Variants in PLCB1 observed in about 807,000 individuals in gnomAD.
The protein encoded by PLCB1 is 1-phosphatidylinositol 4,5-bisphosphate phosphodiesterase beta-1.
In PLCB1, 46 loss-of-function variants were observed where a neutral mutation model predicts 161.8. That is an observed-to-expected ratio of 0.28 (90% CI 0.22 to 0.36). The LOEUF (loss-of-function observed/expected upper bound fraction) is 0.36, where lower values mean the gene tolerates loss of function less well. Among genes scored for constraint, PLCB1 ranks in the 10% least tolerant of loss-of-function variants. The probability of loss-of-function intolerance (pLI) is 1.00; values close to 1 mark genes in which losing one functional copy is unlikely to be tolerated. For synonymous variants in PLCB1, 517 were observed against 503.7 expected (o/e 1.03, Z -0.35); for missense variants, 1,016 against 1,472.5 (o/e 0.69, Z 5.07).
At chr20:8,569,593 AC>A in intron 3 of PLCB1, among the ~76,000 whole-genome samples, 1 of 152,358 alleles carries the variant, frequency 6.6e-6, no homozygotes, top group African/African-American at 2.4e-5. Context: ...GAAGAGAGTG[AC>A]AATATCCTAT....
At chr20:8,520,246 A>T (rs1444368459) in intron 3 of PLCB1, among the ~76,000 whole-genome samples, 5 of 152,004 alleles carry the variant, frequency 3.3e-5, no homozygotes, top group African/African-American at 1.2e-4. Flanking sequence ...TTGGAATCTC[A>T]TGTTAGGAAT....
chr20:8,461,402 A>C (rs1279535981), intron 3 of PLCB1, among the ~76,000 whole-genome samples: 1 of 152,192 alleles, frequency 6.6e-6, no homozygotes, highest in African/African-American at 2.4e-5. Context: ...CTGACAAGTC[A>C]CTTAATCCCT....
intron 31 of PLCB1, among the ~76,000 whole-genome samples, chr20:8,848,907 T>C (rs1432659661): frequency 6.6e-6 from 1 of 152,242 alleles, no homozygotes; most frequent in Non-Finnish European, 1.5e-5. Flanking sequence ...CTAACATTTC[T>C]TAGTACTAGT....
intron 3 of PLCB1, among the ~76,000 whole-genome samples, chr20:8,546,069 C>A (rs1163526358): frequency 1.3e-5 from 2 of 152,044 alleles, no homozygotes; most frequent in Non-Finnish European, 2.9e-5. Flanking sequence ...GTAATCCCAG[C>A]ACTTTGGGAG....
intron 3 of PLCB1, among the ~76,000 whole-genome samples, chr20:8,580,502 G>A (rs2123076288): frequency 6.6e-6 from 1 of 152,296 alleles, no homozygotes; most frequent in South Asian, 2.1e-4. Flanking sequence ...GATTGATGTA[G>A]GACCTTCTTA....
chr20:8,177,215 A>G (rs1189833422), intron 2 of PLCB1, among the ~76,000 whole-genome samples: 4 of 152,100 alleles, frequency 2.6e-5, no homozygotes, highest in Non-Finnish European at 4.4e-5. Context: ...GCCCTCATGA[A>G]TGGGATTTTT....
intron 3 of PLCB1, among the ~76,000 whole-genome samples, chr20:8,404,731 T>C (rs760140867): frequency 9.2e-5 from 14 of 152,194 alleles, no homozygotes; most frequent in Non-Finnish European, 1.3e-4. Flanking sequence ...TAGTATTTAC[T>C]AGTAGTATTT....
In PLCB1 at chr20:8,151,923, C is replaced by T. The variant is rs181035708; in HGVS notation, c.177+1552C>T. 7.8e-4 allele frequency among the ~76,000 whole-genome samples: 119 copies of T among 152,158 alleles called. 1 individual carries two copies. The highest frequency in any genetic ancestry group is 3.4e-3 in the Middle Eastern group (1 of 294). On this transcript the variant is annotated intron_variant, in intron 2 of 31. Coordinates refer to ENST00000338037, the MANE Select transcript of PLCB1 (RefSeq NM_015192.4). ...TAGACCAATCATCAATATTTATTTC[C>T]TTAATAAAGAAAAAGGGTTTAGGAC...
intron 9 of PLCB1, among the ~76,000 whole-genome samples, chr20:8,681,120 A>ATATAAT (rs1225874515): frequency 1.9e-5 from 1 of 53,860 alleles, no homozygotes; most frequent in Non-Finnish European, 3.8e-5. Context: ...ATATATATAT[A>ATATAAT]ATATATATAA....
At chr20:8,523,430 A>T (rs1438828902) in intron 3 of PLCB1, among the ~76,000 whole-genome samples, 1 of 120,946 alleles carries the variant, frequency 8.3e-6, no homozygotes, top group East Asian at 2.6e-4. Context: ...GTGTGTGTGT[A>T]TGGAGAGAGA....
At chr20:8,707,643 C>T (rs1031650547) in intron 11 of PLCB1, among the ~76,000 whole-genome samples, 1 of 152,090 alleles carries the variant, frequency 6.6e-6, no homozygotes, top group Non-Finnish European at 1.5e-5. Flanking sequence ...AATTCCCCTT[C>T]TGAGAATTCA....
intron 9 of PLCB1, among the ~76,000 whole-genome samples, chr20:8,664,606 A>G (rs1989763908): frequency 6.6e-6 from 1 of 152,190 alleles, no homozygotes; most frequent in Non-Finnish European, 1.5e-5. Flanking sequence ...AGACTCCTTC[A>G]GTTGAAAAAC....
At position 8,769,825 on chromosome 20, in the gene PLCB1, C is replaced by T. The variant is rs1454904829; in HGVS notation, c.2930+4467C>T. 8.6e-5 allele frequency among the ~76,000 whole-genome samples: 13 copies of T among 152,028 alleles called. 1 individual carries two copies. The highest frequency in any genetic ancestry group is 2.9e-5 in the Non-Finnish European group (2 of 68,006). The stretch of plus-strand genomic sequence containing the variant: ...TTACTGAATAATCTTCTTTTGATGC[C>T]AAGTTATAGAGATAAGATGCATTTT... On this transcript the variant is annotated intron_variant, in intron 26 of 31. Coordinates refer to ENST00000338037, the MANE Select transcript of PLCB1 (RefSeq NM_015192.4).
intron 2 of PLCB1, among the ~76,000 whole-genome samples, chr20:8,182,724 G>A (rs894183460): frequency 6.6e-6 from 1 of 151,826 alleles, no homozygotes; most frequent in Non-Finnish European, 1.5e-5. Flanking sequence ...GGGATTACAG[G>A]CGCCCGCAAC....
intron 2 of PLCB1, chr20:8,306,308 C>T (rs538899474): frequency 6.2e-4 from 95 of 152,298 alleles, no homozygotes; most frequent in African/African-American, 1.9e-3. Context: ...AAAATGAATT[C>T]ATTATGACTG....
intron 26 of PLCB1, among the ~76,000 whole-genome samples, chr20:8,765,986 G>C (rs557038276): frequency 6.6e-6 from 1 of 152,038 alleles, no homozygotes; most frequent in East Asian, 1.9e-4. Flanking sequence ...CCCACAACTG[G>C]TCTTATAGAA....
intron 31 of PLCB1, among the ~76,000 whole-genome samples, chr20:8,856,663 A>G (rs1987079271): frequency 6.6e-6 from 1 of 152,194 alleles, no homozygotes; most frequent in Non-Finnish European, 1.5e-5. Flanking sequence ...AAGTATATAC[A>G]TTATTATTCA....
At chr20:8,383,869 A>G (rs35315668) in intron 3 of PLCB1, among the ~76,000 whole-genome samples, 20,847 of 152,176 alleles carry the variant, frequency 0.14, 1,863 homozygotes, top group Non-Finnish European at 0.19. Flanking sequence ...TCTGGCTTAT[A>G]GGGTTTCTAC....
intron 3 of PLCB1, among the ~76,000 whole-genome samples, chr20:8,376,162 T>G (rs1987072362): frequency 6.6e-6 from 1 of 152,164 alleles, no homozygotes; most frequent in African/African-American, 2.4e-5. Flanking sequence ...CTCTCAAGAA[T>G]GCACGCAGCA....
Sources: allele counts gnomAD v4.1 joint callset (sites outside exome capture counted in the v4.1 genomes callset), GRCh38; gene constraint gnomAD v4.1.1; transcripts MANE v1.5; gene names NCBI Gene and HGNC (gene_info 2026-07-23, HGNC 2026-07-21).